TASP1: variants seen among roughly 807,000 people sequenced by gnomAD.
TASP1 encodes the protein threonine aspartase 1.
TASP1 carries 16 observed loss-of-function variants against 56.6 expected under a neutral mutation model. The observed-to-expected ratio is 0.28, with a 90% CI of 0.19 to 0.43. TASP1 has a LOEUF of 0.43. TASP1 is among the 20% of genes least tolerant of loss of function. The pLI is 1.00. For synonymous variants in TASP1, 179 were observed against 184.2 expected (o/e 0.97, Z 0.23); for missense variants, 393 against 511.6 (o/e 0.77, Z 2.24).
the TASP1 span, among the ~76,000 whole-genome samples, chr20:13,223,050 T>C: frequency 5.3e-5 from 8 of 151,894 alleles, no homozygotes; most frequent in East Asian, 1.9e-4. Flanking sequence ...GTAGTCCCAG[T>C]TACTCGGGAG....
At chr20:13,108,193 A>G in the TASP1 span, among the ~76,000 whole-genome samples, 2 of 152,088 alleles carry the variant, frequency 1.3e-5, no homozygotes, top group African/African-American at 4.8e-5. Flanking sequence ...GTCCTATCCC[A>G]CTCCAAGTCA....
chr20:13,430,629 T>C (rs574373178), intron 12 of TASP1, among the ~76,000 whole-genome samples: 11 of 152,306 alleles, frequency 7.2e-5, no homozygotes, highest in African/African-American at 2.6e-4. Context: ...AATCAGACAC[T>C]TTCACTTCTG....
the TASP1 span, among the ~76,000 whole-genome samples, chr20:13,380,016 C>A: frequency 2.6e-5 from 4 of 152,256 alleles, no homozygotes; most frequent in East Asian, 7.7e-4. Context: ...TGGGTTAGAA[C>A]ATGCTCCTTT....
intron 10 of TASP1, among the ~76,000 whole-genome samples, chr20:13,498,787 T>TA (rs911978684): frequency 1.4e-5 from 1 of 70,842 alleles, no homozygotes; most frequent in Non-Finnish European, 2.8e-5. Context: ...ATGGCTATTA[T>TA]AAAAAAGGCA....
chr20:13,463,305 A>G (rs1053723646), intron 11 of TASP1, among the ~76,000 whole-genome samples: 1 of 152,178 alleles, frequency 6.6e-6, no homozygotes, highest in Non-Finnish European at 1.5e-5. Flanking sequence ...GGAAAAGTGG[A>G]TATCCACATG....
chr20:13,599,232 C>A (rs937915323), intron 4 of TASP1, among the ~76,000 whole-genome samples: 1 of 152,042 alleles, frequency 6.6e-6, no homozygotes, highest in Non-Finnish European at 1.5e-5. Flanking sequence ...TGCACACATA[C>A]GTTTATTTCA....
intron 10 of TASP1, among the ~76,000 whole-genome samples, chr20:13,510,860 A>G (rs1387457649): frequency 6.6e-6 from 1 of 152,190 alleles, no homozygotes; most frequent in East Asian, 1.9e-4. Flanking sequence ...TATCTCTTTT[A>G]GTTTTTGGTT....
chr20:13,531,686 C>G (rs767825878), intron 9 of TASP1, among the ~76,000 whole-genome samples: 5 of 151,808 alleles, frequency 3.3e-5, no homozygotes, highest in Admixed American at 6.6e-5. Flanking sequence ...TTTGTTTTGA[C>G]ACAGAGTCTC....
At chr20:13,414,267 G>T (rs1223404447) in intron 13 of TASP1, among the ~76,000 whole-genome samples, 5 of 152,064 alleles carry the variant, frequency 3.3e-5, no homozygotes, top group Admixed American at 6.6e-5. Context: ...TTAGGTTCAG[G>T]TTATACATTT....
intron 13 of TASP1, among the ~76,000 whole-genome samples, chr20:13,413,303 A>G (rs868808416): frequency 3.3e-5 from 5 of 152,180 alleles, no homozygotes; most frequent in African/African-American, 1.2e-4. Flanking sequence ...TTTCATTACC[A>G]TGTGTCAGAG....
chr20:13,619,807 T>C (rs1470426064), intron 4 of TASP1, among the ~76,000 whole-genome samples: 1 of 152,154 alleles, frequency 6.6e-6, no homozygotes, highest in African/African-American at 2.4e-5. Context: ...CACTTTCTCA[T>C]CAGTTATTAA....
At chr20:13,384,291 T>G in the TASP1 span, among the ~76,000 whole-genome samples, 1 of 152,216 alleles carries the variant, frequency 6.6e-6, no homozygotes, top group South Asian at 2.1e-4. Context: ...TTGCCACTTG[T>G]GGTTTCAGGG....
chr20:13,396,621 C>A (rs2123615905), intron 13 of TASP1, among the ~76,000 whole-genome samples: 1 of 152,218 alleles, frequency 6.6e-6, no homozygotes, highest in South Asian at 2.1e-4. Flanking sequence ...GTATTTACTT[C>A]TATTTTCTCA....
intron 6 of TASP1, among the ~76,000 whole-genome samples, chr20:13,580,122 G>C (rs1382816793): frequency 1.3e-5 from 2 of 152,144 alleles, no homozygotes; most frequent in Non-Finnish European, 2.9e-5. Context: ...ACTATTTAAG[G>C]GTAAACTACA....
At chr20:13,380,266 G>A in the TASP1 span, among the ~76,000 whole-genome samples, 32 of 152,244 alleles carry the variant, frequency 2.1e-4, no homozygotes, top group Admixed American at 5.9e-4. Flanking sequence ...TTGTGTGGGC[G>A]TCCTTTTTGT....
At chr20:13,565,636 T>C (rs1243071904) in intron 7 of TASP1, among the ~76,000 whole-genome samples, 1 of 152,108 alleles carries the variant, frequency 6.6e-6, no homozygotes, top group African/African-American at 2.4e-5. Context: ...AAAATCACAA[T>C]GAAATACCAA....
chr20:13,448,430 T>A (rs909224743), intron 11 of TASP1, among the ~76,000 whole-genome samples: 2 of 152,090 alleles, frequency 1.3e-5, no homozygotes, highest in Non-Finnish European at 2.9e-5. Context: ...GCTTGACAAA[T>A]ACTCTTGCCT....
rs1282412691 is a variant in TASP1, at chr20:13,446,774, A to C, written c.986-11620T>G. ...GGGCATTTTTAAAACTTTTCATTCA[A>C]TAGATCATGTCATATAAACTATTCT... On this transcript the variant is annotated intron_variant, in intron 11 of 13. Coordinates refer to ENST00000337743, the MANE Select transcript of TASP1 (RefSeq NM_017714.3). 2.0e-5 allele frequency among the ~76,000 whole-genome samples: 3 copies of C among 152,004 alleles called. No homozygotes were observed. The East Asian group carries it at 6.0e-4, about 30-fold the overall frequency.
intron 4 of TASP1, among the ~76,000 whole-genome samples, chr20:13,598,346 T>G (rs1028834142): frequency 1.1e-4 from 16 of 152,116 alleles, no homozygotes; most frequent in African/African-American, 3.4e-4. Context: ...TATAGACCAA[T>G]GGAACAGAAC....
Sources: gnomAD v4.1 joint callset for allele counts (sites outside exome capture counted in the v4.1 genomes callset) on GRCh38, gnomAD v4.1.1 for gene constraint, MANE v1.5 for transcripts, NCBI Gene and HGNC (gene_info 2026-07-23, HGNC 2026-07-21) for gene names.